Variants in FOXN3 observed in about 807,000 individuals in gnomAD.
The protein encoded by FOXN3 is forkhead box protein N3.
A neutral mutation model predicts 38.4 loss-of-function variants in FOXN3; 7 were observed. The observed-to-expected ratio is 0.18, with a 90% CI of 0.10 to 0.34. FOXN3 has a LOEUF of 0.34. Among genes scored for constraint, FOXN3 ranks in the 10% least tolerant of loss-of-function variants. The pLI is 1.00. For synonymous variants in FOXN3, 230 were observed against 242.2 expected (o/e 0.95, Z 0.47); for missense variants, 456 against 613.4 (o/e 0.74, Z 2.71).
intron 4 of FOXN3, among the ~76,000 whole-genome samples, chr14:89,279,720 G>A (rs1041977152): frequency 3.9e-5 from 6 of 152,036 alleles, no homozygotes; most frequent in African/African-American, 9.7e-5. Context: ...TTAAAATTAG[G>A]TTTAACCAAA....
intron 4 of FOXN3, among the ~76,000 whole-genome samples, chr14:89,255,686 T>C (rs1885595659): frequency 6.6e-6 from 1 of 152,156 alleles, no homozygotes; most frequent in Admixed American, 6.5e-5. Flanking sequence ...CCCAAGGCCC[T>C]TGCTCCTGGC....
intron 4 of FOXN3, among the ~76,000 whole-genome samples, chr14:89,204,029 C>A (rs1355021625): frequency 7.0e-6 from 1 of 142,828 alleles, no homozygotes; most frequent in East Asian, 2.2e-4. Context: ...AAAGAAATAC[C>A]GGTATAACCA....
intron 1 of FOXN3, among the ~76,000 whole-genome samples, chr14:89,426,135 C>A (rs1406533512): frequency 1.3e-5 from 2 of 151,760 alleles, no homozygotes; most frequent in African/African-American, 4.8e-5. Context: ...TCACTTTGTT[C>A]ACCCTCAGCT....
chr14:89,519,435 T>C (rs1894275896), intron 1 of FOXN3, among the ~76,000 whole-genome samples: 1 of 152,090 alleles, frequency 6.6e-6, no homozygotes, highest in Non-Finnish European at 1.5e-5. Flanking sequence ...TGATGTACCA[T>C]TATGTACGCG....
At chr14:89,440,581 C>T (rs967310372) in intron 1 of FOXN3, among the ~76,000 whole-genome samples, 2 of 152,160 alleles carry the variant, frequency 1.3e-5, no homozygotes, top group Non-Finnish European at 2.9e-5. Context: ...TCAAAAAGCA[C>T]CCCCACTGAG....
chr14:89,556,395 C>A (rs144118158), intron 1 of FOXN3, among the ~76,000 whole-genome samples: 12 of 148,002 alleles, frequency 8.1e-5, no homozygotes, highest in Non-Finnish European at 1.5e-4. Flanking sequence ...AAGAGTGAAA[C>A]TCCATCTCAA....
At position 89,540,737 on chromosome 14, in the gene FOXN3, C is replaced by CAA. The variant is rs34410482; in HGVS notation, c.-15+78289_-15+78290dup. On this transcript the variant is annotated intron_variant, in intron 1 of 6. Transcript: ENST00000345097. ...TGGGTAACACAGTGAGACTATGTCT[C>CAA]AAAAAAAAAAAAAAAAAGGAAAATG... Among the ~76,000 whole-genome samples, 41 of 91,194 alleles carry CAA rather than the reference C, an allele frequency of 4.5e-4. 1 individual carries two copies. Among genetic ancestry groups the CAA allele is most frequent in the East Asian group, 3.5e-3 (13 of 3,688 alleles). 59.8% of individuals were successfully genotyped at this position (91,194 alleles called of 152,430 possible). A position where few individuals can be genotyped will look rare whatever the true frequency, so the allele number is the denominator to read the frequency against.
intron 1 of FOXN3, among the ~76,000 whole-genome samples, chr14:89,525,544 T>C (rs533470518): frequency 1.3e-4 from 19 of 151,668 alleles, no homozygotes; most frequent in African/African-American, 4.4e-4. Context: ...TCTACAAGTA[T>C]CCTTAGTCCA....
chr14:89,478,169 G>A (rs147819224), intron 1 of FOXN3, among the ~76,000 whole-genome samples: 45 of 152,106 alleles, frequency 3.0e-4, no homozygotes, highest in African/African-American at 1.0e-3. Context: ...AGTGTGTGGC[G>A]CCTCCCCTCA....
At chr14:89,377,562 TACA>T (rs1246355682) in intron 2 of FOXN3, among the ~76,000 whole-genome samples, 11 of 152,182 alleles carry the variant, frequency 7.2e-5, no homozygotes, top group South Asian at 2.1e-4. Context: ...AGGAGGCAAA[TACA>T]ACAACATGTT....
At chr14:89,229,457 G>A (rs2139852100) in intron 4 of FOXN3, among the ~76,000 whole-genome samples, 1 of 152,120 alleles carries the variant, frequency 6.6e-6, no homozygotes, top group Non-Finnish European at 1.5e-5. Flanking sequence ...GATCACATGA[G>A]GGACAGAAAA....
chr14:89,510,510 C>T (rs1438469811), intron 1 of FOXN3, among the ~76,000 whole-genome samples: 4 of 152,146 alleles, frequency 2.6e-5, no homozygotes, highest in Non-Finnish European at 5.9e-5. Context: ...TGTGCATCTC[C>T]CCAGCACACA....
intron 1 of FOXN3, among the ~76,000 whole-genome samples, chr14:89,560,740 A>G (rs1340635690): frequency 6.6e-6 from 1 of 152,238 alleles, no homozygotes; most frequent in Non-Finnish European, 1.5e-5. Flanking sequence ...TGTGTACTAC[A>G]GGGCCAGTTA....
chr14:89,358,709 C>A (rs910190927), intron 2 of FOXN3, among the ~76,000 whole-genome samples: 9 of 152,210 alleles, frequency 5.9e-5, no homozygotes, highest in African/African-American at 2.2e-4. Flanking sequence ...AGTTTCAACA[C>A]AGCCAGCTTT....
chr14:89,510,696 C>T (rs917998079), intron 1 of FOXN3, among the ~76,000 whole-genome samples: 3 of 152,186 alleles, frequency 2.0e-5, no homozygotes, highest in African/African-American at 7.2e-5. Flanking sequence ...AATCCCGGCA[C>T]TTTGGGAGGC....
chr14:89,300,387 G>A (rs570570183), intron 3 of FOXN3, among the ~76,000 whole-genome samples: 2 of 152,040 alleles, frequency 1.3e-5, no homozygotes, highest in Non-Finnish European at 1.5e-5. Flanking sequence ...TCACTATGTT[G>A]GCCAGGTTGG....
intron 1 of FOXN3, among the ~76,000 whole-genome samples, chr14:89,483,989 T>C (rs569818758): frequency 1.8e-4 from 27 of 152,366 alleles, no homozygotes; most frequent in Non-Finnish European, 3.7e-4. Flanking sequence ...TTTGTTTTAA[T>C]TTGGTGCTGA....
intron 1 of FOXN3, among the ~76,000 whole-genome samples, chr14:89,518,791 T>C (rs1376178342): frequency 6.6e-6 from 1 of 151,890 alleles, no homozygotes; most frequent in Non-Finnish European, 1.5e-5. Context: ...CTGAGGCCAT[T>C]GGATCATGAG....
At chr14:89,212,166 T>C (rs527824861) in intron 4 of FOXN3, among the ~76,000 whole-genome samples, 201 of 152,296 alleles carry the variant, frequency 1.3e-3, no homozygotes, top group African/African-American at 4.6e-3. Flanking sequence ...ACATTTCTGT[T>C]GTTTAAGCCA....
Sources: allele counts gnomAD v4.1 joint callset (sites outside exome capture counted in the v4.1 genomes callset), GRCh38; gene constraint gnomAD v4.1.1; transcripts MANE v1.5; gene names NCBI Gene and HGNC (gene_info 2026-07-23, HGNC 2026-07-21).